The following PARD3 variants were observed in gnomAD, a reference collection of about 807,000 sequenced individuals.
PARD3 encodes partitioning defective 3 homolog.
A neutral mutation model predicts 155.4 loss-of-function variants in PARD3; 75 were observed. That is an observed-to-expected ratio of 0.48 (90% confidence interval 0.40 to 0.58). The LOEUF is 0.58. PARD3 is among the 20% of genes least tolerant of loss of function. PARD3 has a pLI of 0.00. For synonymous variants in PARD3, 576 were observed against 610.5 expected (o/e 0.94, Z 0.83); for missense variants, 1,642 against 1,721.7 (o/e 0.95, Z 0.82).
intron 1 of PARD3, among the ~76,000 whole-genome samples, chr10:34,704,673 A>C (rs1165381025): frequency 6.6e-6 from 1 of 152,244 alleles, no homozygotes. Context: ...ACCTCTCCCA[A>C]AGAAGGCTCT....
intron 12 of PARD3, among the ~76,000 whole-genome samples, chr10:34,371,785 T>C (rs1484277777): frequency 6.6e-6 from 1 of 152,058 alleles, no homozygotes; most frequent in African/African-American, 2.4e-5. Flanking sequence ...GGAAAAAAGA[T>C]CCTGATTGTT....
chr10:34,246,617 C>T (rs1953964906), intron 22 of PARD3, among the ~76,000 whole-genome samples: 1 of 151,786 alleles, frequency 6.6e-6, no homozygotes, highest in African/African-American at 2.4e-5. Context: ...CTTTGATTCC[C>T]ACCCTGGGCA....
chr10:34,265,319 A>C (rs1003012155), intron 22 of PARD3, among the ~76,000 whole-genome samples: 1 of 152,216 alleles, frequency 6.6e-6, no homozygotes, highest in African/African-American at 2.4e-5. Flanking sequence ...AAAATGTCCC[A>C]TTTTGATGCC....
intron 21 of PARD3, among the ~76,000 whole-genome samples, chr10:34,275,830 A>C (rs989452628): frequency 6.6e-6 from 1 of 151,912 alleles, no homozygotes; most frequent in Non-Finnish European, 1.5e-5. Flanking sequence ...TACCCCCTTT[A>C]CTCTTTTATT....
In PARD3 at chr10:34,447,480, CAAAAAAAAAAAAAAAAAAAAAAAAA is replaced by C. The variant is rs745637071; in HGVS notation, c.714+2812_714+2836del. ...TGGGCAACAGAGCAAGACTGCGTCT[CAAAAAAAAAAAAAAAAAAAAAAAAA>C]AAAAAAAAAAAAAAGGGCCAGTTGC... On this transcript the variant is annotated intron_variant, in intron 5 of 24. Coordinates refer to ENST00000374788, the MANE Select transcript of PARD3 (RefSeq NM_001184785.2). Among the ~76,000 whole-genome samples the C allele has an allele frequency of 1.3e-4, 5 of 37,212 alleles. No homozygotes were observed. The South Asian group carries it at 4.0e-3, about 30-fold the overall frequency. 24.4% of individuals were successfully genotyped at this position (37,212 alleles called of 152,430 possible).
intron 22 of PARD3, among the ~76,000 whole-genome samples, chr10:34,250,408 T>A (rs1232935496): frequency 6.6e-6 from 1 of 152,186 alleles, no homozygotes; most frequent in East Asian, 1.9e-4. Context: ...TAAGTGATTA[T>A]TGATGAAAAA....
chr10:34,427,724 G>A (rs987541166), intron 5 of PARD3, among the ~76,000 whole-genome samples: 2 of 151,908 alleles, frequency 1.3e-5, no homozygotes, highest in Non-Finnish European at 1.5e-5. Context: ...GGAACCTGCC[G>A]ACATGTGATG....
intron 1 of PARD3, among the ~76,000 whole-genome samples, chr10:34,794,061 T>G (rs571196179): frequency 6.6e-6 from 1 of 151,672 alleles, no homozygotes; most frequent in African/African-American, 2.4e-5. Flanking sequence ...ACTTGAAAAC[T>G]CCATTCAATC....
chr10:34,284,191 T>A lies in PARD3; in HGVS notation c.3120A>T (p.Ile1040=). 6.2e-7 allele frequency: 1 copy of A among 1,611,178 alleles called. No individual in the cohort carries two copies. The highest frequency in any genetic ancestry group is 8.5e-7 in the Non-Finnish European group (1 of 1,178,702). Residue 1040 remains isoleucine (I), a synonymous_variant, in exon 21 of 25, where the codon ATA becomes ATT. Coordinates refer to ENST00000374788, the MANE Select transcript of PARD3 (RefSeq NM_001184785.2). ...DKIEKTGKIK[I]QESFTSEEER... is the part of the protein sequence containing the mutation. ...CCTCTTCTGATGTAAAGGATTCCTG[T>A]ATTTTTATTTTACCCGTTTTCTCAA...
At chr10:34,709,085 C>A (rs2094412026) in intron 1 of PARD3, among the ~76,000 whole-genome samples, 1 of 152,090 alleles carries the variant, frequency 6.6e-6, no homozygotes, top group South Asian at 2.1e-4. Flanking sequence ...ACCCAAAATG[C>A]TTGGGACCAA....
chr10:34,770,163 A>AAGTC (rs1179433933), intron 1 of PARD3, among the ~76,000 whole-genome samples: 2 of 152,130 alleles, frequency 1.3e-5, no homozygotes, highest in Non-Finnish European at 2.9e-5. Flanking sequence ...CCTTAGACAC[A>AAGTC]AGTCACCCTT....
chr10:34,449,850 C>T lies in PARD3; in HGVS notation c.714+467G>A, dbSNP rs568116253. 2.6e-5 allele frequency among the ~76,000 whole-genome samples: 4 copies of T among 152,262 alleles called. No individual in the cohort carries two copies. In the South Asian group the frequency reaches 6.2e-4, roughly 24 times the overall value. ...CTTGAAATTTATGAAGGGATAAGTG[C>T]CCAAACATGACAAAATACCGTAATC... On this transcript the variant is annotated intron_variant, in intron 5 of 24. Coordinates refer to ENST00000374788, the MANE Select transcript of PARD3 (RefSeq NM_001184785.2).
intron 2 of PARD3, among the ~76,000 whole-genome samples, chr10:34,561,135 C>T (rs1033447418): frequency 6.6e-6 from 1 of 152,046 alleles, no homozygotes; most frequent in African/African-American, 2.4e-5. Flanking sequence ...ACGTGTGATG[C>T]AAATTATACC....
intron 1 of PARD3, among the ~76,000 whole-genome samples, chr10:34,739,305 ACTCT>A (rs1165399254): frequency 6.6e-6 from 1 of 152,116 alleles, no homozygotes; most frequent in East Asian, 1.9e-4. Flanking sequence ...TGAGGGGTAC[ACTCT>A]CTCTACTATC....
At chr10:34,158,408 T>C (rs1018483278) in intron 22 of PARD3, among the ~76,000 whole-genome samples, 3 of 152,244 alleles carry the variant, frequency 2.0e-5, no homozygotes, top group African/African-American at 4.8e-5. Context: ...ATAGCTTCTG[T>C]GTGTTTGATT....
chr10:34,660,788 A>C (rs947783286), intron 2 of PARD3, among the ~76,000 whole-genome samples: 3 of 152,200 alleles, frequency 2.0e-5, no homozygotes, highest in Non-Finnish European at 4.4e-5. Context: ...CCTGCACAGC[A>C]AGAATGCAAG....
intron 22 of PARD3, among the ~76,000 whole-genome samples, chr10:34,226,088 G>C (rs1416361574): frequency 6.6e-6 from 1 of 152,118 alleles, no homozygotes; most frequent in African/African-American, 2.4e-5. Flanking sequence ...AATTCAGTAA[G>C]AAGATAAGCA....
At chr10:34,590,895 G>GA (rs1231948246) in intron 2 of PARD3, among the ~76,000 whole-genome samples, 7 of 152,078 alleles carry the variant, frequency 4.6e-5, no homozygotes, top group Admixed American at 2.6e-4. Flanking sequence ...CCAAATGCTG[G>GA]AAAAAATCTC....
At chr10:34,597,285 G>A (rs1280293879) in intron 2 of PARD3, among the ~76,000 whole-genome samples, 1 of 151,172 alleles carries the variant, frequency 6.6e-6, no homozygotes, top group African/African-American at 2.4e-5. Flanking sequence ...GCTTTTTTTT[G>A]TTTTTGTTTA....
Sources: allele counts gnomAD v4.1 joint callset (sites outside exome capture counted in the v4.1 genomes callset), GRCh38; gene constraint gnomAD v4.1.1; transcripts MANE v1.5; gene names NCBI Gene and HGNC (gene_info 2026-07-23, HGNC 2026-07-21).